NFX1: variants seen among roughly 807,000 people sequenced by gnomAD.
NFX1 encodes transcriptional repressor NF-X1.
In NFX1, 69 loss-of-function variants were observed where a neutral mutation model predicts 137.2. The observed-to-expected ratio is 0.50, with a 90% confidence interval of 0.41 to 0.61. The LOEUF (loss-of-function observed/expected upper bound fraction) is 0.61. NFX1 is among the 20% of genes least tolerant of loss of function. NFX1 has a pLI of 0.00. For missense variants in NFX1, 1,167 were observed against 1,391.0 expected (o/e 0.84, Z 2.56); for synonymous variants, 495 against 474.1 (o/e 1.04, Z -0.57).
At chr9:33,356,794 G>A (rs1240391820) in intron 19 of NFX1, among the ~76,000 whole-genome samples, 1 of 151,934 alleles carries the variant, frequency 6.6e-6, no homozygotes, top group East Asian at 1.9e-4. Flanking sequence ...TCACATATAA[G>A]CCTGGGCAAC....
intron 15 of NFX1, among the ~76,000 whole-genome samples, chr9:33,349,719 A>AT (rs1318557939): frequency 6.6e-6 from 1 of 152,062 alleles, no homozygotes; most frequent in Non-Finnish European, 1.5e-5. Context: ...TTGTCTCTTA[A>AT]TTTTTTAAAG....
chr9:33,302,198 G>A (rs868434018), intron 3 of NFX1, among the ~76,000 whole-genome samples: 1 of 152,036 alleles, frequency 6.6e-6, no homozygotes, highest in East Asian at 1.9e-4. Context: ...TCAAATCAGG[G>A]TAATTGGCAT....
At chr9:33,343,597 A>G (rs1288460743) in intron 13 of NFX1, among the ~76,000 whole-genome samples, 1 of 152,212 alleles carries the variant, frequency 6.6e-6, no homozygotes, top group African/African-American at 2.4e-5. Flanking sequence ...TTTAGAAAGG[A>G]CTTGACTCGG....
At chr9:33,335,247 TG>T (rs1822958386) in intron 11 of NFX1, among the ~76,000 whole-genome samples, 1 of 148,948 alleles carries the variant, frequency 6.7e-6, no homozygotes, top group Non-Finnish European at 1.5e-5. Flanking sequence ...TTTTTTTTTT[TG>T]AGACGGAGTT....
intron 10 of NFX1, among the ~76,000 whole-genome samples, chr9:33,332,089 T>G (rs566141711): frequency 3.3e-5 from 5 of 152,216 alleles, no homozygotes; most frequent in Non-Finnish European, 5.9e-5. Context: ...CTGTTTTCAA[T>G]TCTTATATCT....
intron 17 of NFX1, 35 bp from the exon 18 acceptor site, chr9:33,354,051 A>G: frequency 1.3e-6 from 2 of 1,558,170 alleles, no homozygotes; most frequent in Non-Finnish European, 1.7e-6. Context: ...GTGAAACTGC[A>G]ATGCCTCTTT....
chr9:33,348,841 A>C, intron 15 of NFX1: 1 of 918,688 alleles, frequency 1.1e-6, no homozygotes, highest in Non-Finnish European at 1.3e-6. Flanking sequence ...TGCTGTGGTT[A>C]AGATGATACT....
At chr9:33,307,120 A>G in intron 4 of NFX1, 74 bp from the exon 5 acceptor site, 1 of 1,167,022 alleles carries the variant, frequency 8.6e-7, no homozygotes, top group Non-Finnish European at 1.3e-6. Context: ...GCCTAGCTAT[A>G]CTTTACTGTT....
intron 19 of NFX1, 63 bp from the exon 20 acceptor site, chr9:33,363,947 G>A (rs1587881862): frequency 9.3e-7 from 1 of 1,076,440 alleles, no homozygotes; most frequent in South Asian, 1.7e-5. Flanking sequence ...TAGGCACTCG[G>A]GGTTACTGCA....
chr9:33,290,638 A>C, intron 1 of NFX1, 41 bp downstream of exon 1: 1 of 1,589,892 alleles, frequency 6.3e-7, no homozygotes, highest in South Asian at 1.1e-5. Context: ...CCTTTCAGGG[A>C]GCGGAAATTG....
At chr9:33,354,451 AAT>A (rs1236875432) in intron 18 of NFX1, among the ~76,000 whole-genome samples, 1 of 152,146 alleles carries the variant, frequency 6.6e-6, no homozygotes, top group East Asian at 1.9e-4. Context: ...CCCATATGAG[AAT>A]AGAGAACCCA....
At position 33,338,561 on chromosome 9, in the gene NFX1, G is replaced by A. The variant is rs755853956; in HGVS notation, c.2087G>A (p.Arg696Gln). 4.4e-6 allele frequency: 7 copies of A among 1,600,924 alleles called. No homozygotes were observed. The highest frequency in any genetic ancestry group is 4.5e-5 in the East Asian group (2 of 44,778). The change falls in exon 12 of 24, where the codon CGG becomes CAG. Residue 696 changes from arginine to glutamine, a missense_variant. This residue lies in a region of NFX1 where 488 missense variants were observed against 691.5 expected (regional missense o/e 0.71). Transcript: ENST00000379540. ...TGTAACAAGAAACGGTTGTGTGGAC[G>A]GCATAAATGTAATGAGATATGCTGT... ...KRCNKKRLCG[R>Q]HKCNEICCVD...
intron 7 of NFX1, among the ~76,000 whole-genome samples, chr9:33,314,062 C>T (rs190314212): frequency 3.0e-4 from 45 of 152,196 alleles, no homozygotes; most frequent in African/African-American, 1.1e-3. Context: ...TAGCTCACTG[C>T]AACCTCCACC....
chr9:33,365,032 G>A, intron 21 of NFX1: 3 of 1,237,020 alleles, frequency 2.4e-6, no homozygotes, highest in Non-Finnish European at 3.1e-6. Context: ...CCAGCACTTT[G>A]GGAGGCCAAG....
chr9:33,361,436 G>C (rs979528374), intron 19 of NFX1, among the ~76,000 whole-genome samples: 1 of 151,846 alleles, frequency 6.6e-6, no homozygotes, highest in Non-Finnish European at 1.5e-5. Context: ...CTTATTTTTG[G>C]GGGGGTGAGA....
At position 33,369,995 on chromosome 9, in the gene NFX1, T is replaced by G; in HGVS notation, c.*17T>G. On this transcript the variant is annotated 3_prime_UTR_variant, in exon 24 of 24. Transcript: ENST00000379540. ...CAGGACTAAGAAGATCATGATGCAC[T>G]TAGATAAAAGAATGATTAGGTATAG... 1 of 1,592,672 alleles carries G rather than the reference T, an allele frequency of 6.3e-7. No homozygotes were observed. Among genetic ancestry groups the G allele is most frequent in the Non-Finnish European group, 8.6e-7 (1 of 1,161,506 alleles).
At chr9:33,321,368 G>A (rs1303881987) in intron 9 of NFX1, among the ~76,000 whole-genome samples, 1 of 152,116 alleles carries the variant, frequency 6.6e-6, no homozygotes, top group Non-Finnish European at 1.5e-5. Context: ...TGTGGCTAGC[G>A]ATAACAATGA....
chr9:33,291,871 C>T (rs1013369243), intron 1 of NFX1, among the ~76,000 whole-genome samples: 3 of 152,188 alleles, frequency 2.0e-5, no homozygotes, highest in African/African-American at 7.2e-5. Flanking sequence ...CCACTGCACT[C>T]CAGCCTGGGC....
intron 7 of NFX1, among the ~76,000 whole-genome samples, chr9:33,318,221 A>G (rs562034667): frequency 2.0e-5 from 3 of 152,086 alleles, no homozygotes; most frequent in Non-Finnish European, 4.4e-5. Flanking sequence ...CCTTTTTACA[A>G]GTGTTTTATG....
Sources: allele counts gnomAD v4.1 joint callset (sites outside exome capture counted in the v4.1 genomes callset), GRCh38; gene constraint gnomAD v4.1.1; regional missense constraint gnomAD v4.1.1; transcripts MANE v1.5; gene names NCBI Gene and HGNC (gene_info 2026-07-23, HGNC 2026-07-21).